Variants in LRRC4C observed in about 807,000 individuals in gnomAD.
LRRC4C encodes leucine rich repeat containing 4C.
A neutral mutation model predicts 33.6 loss-of-function variants in LRRC4C; 5 were observed. That is an observed-to-expected ratio of 0.15 (90% CI 0.08 to 0.31). LRRC4C has a LOEUF of 0.31. Ranked by LOEUF, LRRC4C falls within the 10% of genes least tolerant of loss-of-function variation. The pLI is 1.00. For synonymous variants in LRRC4C, 329 were observed against 302.0 expected, an observed-to-expected ratio of 1.09 and a Z score of -0.93; for missense variants, 560 against 796.7, an observed-to-expected ratio of 0.70 and a Z score of 3.58.
At chr11:41,089,487 GACCATTA>G (rs1940242667) in intron 1 of LRRC4C, among the ~76,000 whole-genome samples, 1 of 151,902 alleles carries the variant, frequency 6.6e-6, no homozygotes, top group Non-Finnish European at 1.5e-5. Context: ...CTGAGGAATT[GACCATTA>G]ATCCCAGGTA....
chr11:40,303,380 C>A (rs561104436), intron 4 of LRRC4C, among the ~76,000 whole-genome samples: 3 of 152,160 alleles, frequency 2.0e-5, no homozygotes, highest in Non-Finnish European at 4.4e-5. Context: ...TAATGAAGTA[C>A]TCCCTCAAAA....
intron 3 of LRRC4C, among the ~76,000 whole-genome samples, chr11:40,359,554 T>A (rs1947851483): frequency 1.3e-5 from 2 of 152,202 alleles, no homozygotes. Context: ...CCTTATCTCA[T>A]GACTATACTA....
intron 4 of LRRC4C, among the ~76,000 whole-genome samples, chr11:40,318,793 T>C (rs1945701782): frequency 6.6e-6 from 1 of 152,210 alleles, no homozygotes; most frequent in East Asian, 1.9e-4. Context: ...GGTTTTTATT[T>C]TGTTTAAAAA....
chr11:41,142,335 G>A (rs987668893), intron 1 of LRRC4C, among the ~76,000 whole-genome samples: 15 of 152,170 alleles, frequency 9.9e-5, no homozygotes, highest in African/African-American at 3.6e-4. Flanking sequence ...AAACTTTATA[G>A]TAGCATCACT....
At chr11:40,315,192 T>A (rs1180754031) in intron 4 of LRRC4C, among the ~76,000 whole-genome samples, 1 of 151,488 alleles carries the variant, frequency 6.6e-6, no homozygotes, top group Admixed American at 6.6e-5. Flanking sequence ...ATTGAAAAAA[T>A]AAAATACTGC....
chr11:41,010,771 C>T (rs1855113650), intron 1 of LRRC4C, among the ~76,000 whole-genome samples: 1 of 152,170 alleles, frequency 6.6e-6, no homozygotes, highest in Non-Finnish European at 1.5e-5. Flanking sequence ...TGCCCCATTG[C>T]TATCAGCACA....
At chr11:40,688,308 C>T (rs1945058692) in intron 2 of LRRC4C, among the ~76,000 whole-genome samples, 1 of 152,070 alleles carries the variant, frequency 6.6e-6, no homozygotes, top group Admixed American at 6.6e-5. Flanking sequence ...CAAGATCCTC[C>T]CTTGTTAGCT....
chr11:40,379,524 T>C (rs1948783508), intron 3 of LRRC4C, among the ~76,000 whole-genome samples: 1 of 152,328 alleles, frequency 6.6e-6, no homozygotes, highest in South Asian at 2.1e-4. Flanking sequence ...AAATTACTTT[T>C]ATCTTTCAAA....
At chr11:40,884,412 C>A (rs1173862428) in intron 2 of LRRC4C, among the ~76,000 whole-genome samples, 1 of 151,962 alleles carries the variant, frequency 6.6e-6, no homozygotes, top group East Asian at 1.9e-4. Context: ...AATTTATAAT[C>A]CTTTGGGTAT....
chr11:41,105,101 T>C (rs995561433), intron 1 of LRRC4C, among the ~76,000 whole-genome samples: 13 of 151,988 alleles, frequency 8.6e-5, no homozygotes, highest in African/African-American at 3.1e-4. Context: ...TGCAATAAAA[T>C]TATTAAGAAA....
chr11:41,449,963 T>C (rs1955966132), intron 1 of LRRC4C, among the ~76,000 whole-genome samples: 1 of 152,092 alleles, frequency 6.6e-6, no homozygotes, highest in Admixed American at 6.6e-5. Flanking sequence ...CTGTCATCCC[T>C]CTAGCTTGAG....
At chr11:40,506,727 T>G (rs11035875) in intron 3 of LRRC4C, among the ~76,000 whole-genome samples, 10,892 of 152,044 alleles carry the variant, frequency 0.072, 1,051 homozygotes, top group African/African-American at 0.22. Context: ...AGTCCTACAA[T>G]ATATATAATG....
intron 2 of LRRC4C, among the ~76,000 whole-genome samples, chr11:40,793,247 T>C (rs1340939339): frequency 6.6e-6 from 1 of 152,184 alleles, no homozygotes. Context: ...AATAATTTAA[T>C]TGTTACTGTT....
At chr11:41,027,013 A>G (rs570709924) in intron 1 of LRRC4C, among the ~76,000 whole-genome samples, 1 of 151,752 alleles carries the variant, frequency 6.6e-6, no homozygotes, top group Admixed American at 6.6e-5. Flanking sequence ...CAGAATTTTT[A>G]TCTTACTTGT....
intron 3 of LRRC4C, among the ~76,000 whole-genome samples, chr11:40,462,639 T>C (rs535228578): frequency 2.8e-4 from 42 of 152,034 alleles, no homozygotes; most frequent in Non-Finnish European, 5.3e-4. Context: ...TAAATATATA[T>C]TATTCATTAA....
chr11:40,637,964 G>A (rs1347694505), intron 3 of LRRC4C, among the ~76,000 whole-genome samples: 1 of 152,076 alleles, frequency 6.6e-6, no homozygotes, highest in Admixed American at 6.6e-5. Flanking sequence ...CCACATCAGG[G>A]CCTCCCCACT....
chr11:40,676,616 T>C (rs1393390171), intron 2 of LRRC4C, among the ~76,000 whole-genome samples: 1 of 152,234 alleles, frequency 6.6e-6, no homozygotes, highest in Non-Finnish European at 1.5e-5. Flanking sequence ...CTTTGCTCCA[T>C]GACAATTTGT....
intron 2 of LRRC4C, among the ~76,000 whole-genome samples, chr11:40,836,498 T>C (rs1224639563): frequency 6.6e-6 from 1 of 152,218 alleles, no homozygotes; most frequent in Non-Finnish European, 1.5e-5. Flanking sequence ...GCATCAAAGA[T>C]GATTGAAAAT....
At chr11:40,824,182 G>A (rs1266108028) in intron 2 of LRRC4C, among the ~76,000 whole-genome samples, 2 of 151,630 alleles carry the variant, frequency 1.3e-5, no homozygotes, top group Non-Finnish European at 1.5e-5. Flanking sequence ...GGAAATTTGG[G>A]GGTTGATTGA....
Sources: gnomAD v4.1 joint callset for allele counts (sites outside exome capture counted in the v4.1 genomes callset) on GRCh38, gnomAD v4.1.1 for gene constraint, MANE v1.5 for transcripts, NCBI Gene and HGNC (gene_info 2026-07-23, HGNC 2026-07-21) for gene names.